The following ADAMTSL1 variants were observed in gnomAD, a reference collection of about 807,000 sequenced individuals.
ADAMTSL1 encodes ADAMTS-like protein 1.
A neutral mutation model predicts 201.8 loss-of-function variants in ADAMTSL1; 126 were observed. That is an observed-to-expected ratio of 0.62 (90% CI 0.54 to 0.72). The LOEUF is 0.72. ADAMTSL1 is among the 30% of genes least tolerant of loss of function. The pLI is 0.00. For missense variants in ADAMTSL1, 2,679 were observed against 2,277.8 expected, an observed-to-expected ratio of 1.18 and a Z score of -3.59; for synonymous variants, 1,121 against 903.4, an observed-to-expected ratio of 1.24 and a Z score of -4.32.
At chr9:18,004,402 C>T (rs1473006876) in intron 1 of ADAMTSL1, among the ~76,000 whole-genome samples, 1 of 151,956 alleles carries the variant, frequency 6.6e-6, no homozygotes, top group Admixed American at 6.6e-5. Context: ...GGGACTCCTA[C>T]AGATAGCCTA....
intron 1 of ADAMTSL1, among the ~76,000 whole-genome samples, chr9:18,144,397 G>T (rs980126833): frequency 1.3e-5 from 2 of 151,856 alleles, no homozygotes; most frequent in African/African-American, 4.8e-5. Flanking sequence ...GTAGAGACAG[G>T]GTTTCACCTT....
intron 3 of ADAMTSL1, among the ~76,000 whole-genome samples, chr9:18,537,961 AGAG>A (rs1350920662): frequency 2.1e-5 from 3 of 141,562 alleles, no homozygotes; most frequent in African/African-American, 5.1e-5. Context: ...AGAAGGAAGA[AGAG>A]AAGAAAGAAG....
chr9:18,111,057 C>T (rs1418998034), intron 1 of ADAMTSL1, among the ~76,000 whole-genome samples: 1 of 152,124 alleles, frequency 6.6e-6, no homozygotes, highest in Non-Finnish European at 1.5e-5. Flanking sequence ...GTTCATTTTG[C>T]AGAGTGAAGT....
At chr9:18,172,840 A>G (rs1172693912) in intron 2 of ADAMTSL1, among the ~76,000 whole-genome samples, 1 of 152,140 alleles carries the variant, frequency 6.6e-6, no homozygotes, top group Non-Finnish European at 1.5e-5. Flanking sequence ...GGGGGAAGGG[A>G]TACCATTTTA....
intron 3 of ADAMTSL1, among the ~76,000 whole-genome samples, chr9:18,548,448 T>C (rs1188233813): frequency 6.6e-6 from 1 of 151,996 alleles, no homozygotes; most frequent in Non-Finnish European, 1.5e-5. Flanking sequence ...ATGGAGAAAA[T>C]GTGTGTGTTA....
At position 18,080,443 on chromosome 9, in the gene ADAMTSL1, T is replaced by C. The variant is rs373074700; in HGVS notation, c.88-83419T>C. Among the ~76,000 whole-genome samples, 455 of 152,294 alleles carry C rather than the reference T, an allele frequency of 3.0e-3. 8 individuals carry two copies. The South Asian group carries it at 0.043, about 14-fold the overall frequency. Reference sequence around the variant, plus strand: ...CATTAGGAGTTGTGATTCTATCTCCTTTTCTTAGAACGGATGCACAATATC... The same window carrying C: ...CATTAGGAGTTGTGATTCTATCTCCCTTTCTTAGAACGGATGCACAATATC... On this transcript the variant is annotated intron_variant, in intron 1 of 29. Coordinates refer to the ADAMTSL1 transcript ENST00000680146.
At chr9:18,498,973 C>T (rs982389849) in intron 1 of ADAMTSL1, among the ~76,000 whole-genome samples, 9 of 152,342 alleles carry the variant, frequency 5.9e-5, no homozygotes, top group Admixed American at 1.3e-4. Context: ...AACAGGAATG[C>T]GCAAAAGCGC....
At position 18,385,358 on chromosome 9, in the gene ADAMTSL1, G is replaced by T. The variant is rs544091979; in HGVS notation, c.208-119471G>T. Among the ~76,000 whole-genome samples, 60 of 152,048 alleles carry T rather than the reference G, an allele frequency of 3.9e-4. 1 individual carries two copies. Among genetic ancestry groups the T allele is most frequent in the African/African-American group, 1.4e-3 (56 of 41,472 alleles). On this transcript the variant is annotated intron_variant, in intron 2 of 29. Transcript: ENST00000680146. ...CCAGACATCCTTTGAGGGTAGGGGT[G>T]GTGTTACTCATTCTATGGTTAAATG... is the stretch of plus-strand genomic sequence containing the variant.
chr9:17,934,786 C>T (rs1047928408), intron 1 of ADAMTSL1, among the ~76,000 whole-genome samples: 2 of 151,796 alleles, frequency 1.3e-5, no homozygotes, highest in Non-Finnish European at 2.9e-5. Flanking sequence ...GATAAACTAC[C>T]CATTTCCCCC....
chr9:18,830,479 G>C (rs754587305), intron 23 of ADAMTSL1, among the ~76,000 whole-genome samples: 1 of 152,170 alleles, frequency 6.6e-6, no homozygotes, highest in Non-Finnish European at 1.5e-5. Flanking sequence ...AGCCAACCCA[G>C]ATAGACTCCT....
At position 17,954,124 on chromosome 9, in the gene ADAMTSL1, G is replaced by C. The variant is rs148130150; in HGVS notation, c.87+47202G>C. Among the ~76,000 whole-genome samples the C allele has an allele frequency of 8.8e-3, 1,339 of 152,324 alleles. 10 individuals are homozygous for C. The highest frequency in any genetic ancestry group is 0.019 in the South Asian group (90 of 4,830). On this transcript the variant is annotated intron_variant, in intron 1 of 29. Transcript: ENST00000680146. ...CTCTCTAATCTGTCTATCACCTCAT[G>C]TGGGATCTTCATGTGGCTAGCTTGG... is the stretch of plus-strand genomic sequence containing the variant.
chr9:17,935,060 T>C (rs929923935), intron 1 of ADAMTSL1, among the ~76,000 whole-genome samples: 5 of 152,172 alleles, frequency 3.3e-5, no homozygotes, highest in Admixed American at 2.6e-4. Flanking sequence ...CTTGAATGGA[T>C]TGTAGTCAAA....
intron 7 of ADAMTSL1, among the ~76,000 whole-genome samples, chr9:18,643,647 A>G (rs1221077641): frequency 6.6e-6 from 1 of 151,876 alleles, no homozygotes; most frequent in Non-Finnish European, 1.5e-5. Flanking sequence ...TCCAAACACT[A>G]CTGTCCTTTT....
chr9:18,259,177 C>T (rs764781599), intron 2 of ADAMTSL1, among the ~76,000 whole-genome samples: 1 of 152,138 alleles, frequency 6.6e-6, no homozygotes, highest in Admixed American at 6.5e-5. Flanking sequence ...AAACACCATC[C>T]ATGTGCTTAC....
intron 1 of ADAMTSL1, among the ~76,000 whole-genome samples, chr9:18,004,922 A>T (rs1269622502): frequency 6.6e-6 from 1 of 152,052 alleles, no homozygotes; most frequent in Non-Finnish European, 1.5e-5. Flanking sequence ...TCTACCATTC[A>T]TTTACTTGGC....
At chr9:18,438,000 G>T (rs890318045) in intron 2 of ADAMTSL1, among the ~76,000 whole-genome samples, 1 of 152,150 alleles carries the variant, frequency 6.6e-6, no homozygotes, top group Non-Finnish European at 1.5e-5. Flanking sequence ...CTGCCTGCTG[G>T]AACGGGAAGG....
chr9:18,748,669 A>C (rs920161559), intron 15 of ADAMTSL1, among the ~76,000 whole-genome samples: 7 of 152,202 alleles, frequency 4.6e-5, no homozygotes, highest in Admixed American at 6.5e-5. Flanking sequence ...CTAATCCAGA[A>C]GTGCACACAC....
chr9:18,050,981 C>T (rs1821906771), intron 1 of ADAMTSL1, among the ~76,000 whole-genome samples: 1 of 152,206 alleles, frequency 6.6e-6, no homozygotes, highest in South Asian at 2.1e-4. Context: ...CTAATCAGTG[C>T]AATCACTTTA....
At chr9:18,160,840 T>C (rs1827354256) in intron 1 of ADAMTSL1, among the ~76,000 whole-genome samples, 1 of 137,448 alleles carries the variant, frequency 7.3e-6, no homozygotes, top group Non-Finnish European at 1.6e-5. Flanking sequence ...CCACCATACC[T>C]GGCTAAATTT....
Sources: allele counts gnomAD v4.1 joint callset (sites outside exome capture counted in the v4.1 genomes callset), GRCh38; gene constraint gnomAD v4.1.1; transcripts MANE v1.5; gene names NCBI Gene and HGNC (gene_info 2026-07-23, HGNC 2026-07-21).